KIF17: variants seen among roughly 807,000 people sequenced by gnomAD.
KIF17 encodes kinesin family member 17, also known as kinesin-like protein KIF17.
Under a neutral mutation model 96.8 loss-of-function variants are expected in KIF17, and 80 were observed. That is an observed-to-expected ratio of 0.83 (90% CI 0.69 to 1.00). The LOEUF (loss-of-function observed/expected upper bound fraction) is 1.00, where lower values mean the gene tolerates loss of function less well. Among genes scored for constraint, KIF17 ranks in the 50% least tolerant of loss-of-function variants. The pLI is 0.00. For missense variants in KIF17, 1,280 were observed against 1,372.9 expected, an observed-to-expected ratio of 0.93 and a Z score of 1.07; for synonymous variants, 567 against 587.5, an observed-to-expected ratio of 0.97 and a Z score of 0.51.
intron 12 of KIF17, among the ~76,000 whole-genome samples, 197 bp from the exon 13 acceptor site, chr1:20,670,685 G>C (rs1357360749): frequency 6.6e-6 from 1 of 152,174 alleles, no homozygotes; most frequent in Non-Finnish European, 1.5e-5. Context: ...TCTGCTTGCA[G>C]GCAAGACAGC....
intron 3 of KIF17, 61 bp downstream of exon 3, chr1:20,713,393 C>A: frequency 8.4e-7 from 1 of 1,190,502 alleles, no homozygotes; most frequent in Non-Finnish European, 1.2e-6. Flanking sequence ...TCTGAGGGAG[C>A]AGCACCAATG....
intron 14 of KIF17, among the ~76,000 whole-genome samples, chr1:20,665,392 T>A (rs1374698166): frequency 1.7e-5 from 2 of 117,884 alleles, no homozygotes; most frequent in Non-Finnish European, 3.6e-5. Flanking sequence ...CATACCCAGC[T>A]AATTTTTTTT....
At chr1:20,689,451 G>C (rs1455313806) in intron 7 of KIF17, among the ~76,000 whole-genome samples, 1 of 152,182 alleles carries the variant, frequency 6.6e-6, no homozygotes, top group Non-Finnish European at 1.5e-5. Flanking sequence ...AGGAGTTCGA[G>C]ACCAGCCTGG....
chr1:20,684,175 G>T (rs2053887309), intron 10 of KIF17, among the ~76,000 whole-genome samples: 1 of 152,236 alleles, frequency 6.6e-6, no homozygotes, highest in African/African-American at 2.4e-5. Flanking sequence ...GGACCCTCTT[G>T]GCCCTGCCTG....
intron 7 of KIF17, among the ~76,000 whole-genome samples, chr1:20,688,931 C>T (rs2053987818): frequency 6.6e-6 from 1 of 152,218 alleles, no homozygotes; most frequent in South Asian, 2.1e-4. Context: ...CCCCTTAGTG[C>T]TCCAGTTCAG....
At chr1:20,661,946 C>T (rs1403472553), downstream of KIF17, among the ~76,000 whole-genome samples, 2 of 152,248 alleles carry the variant, frequency 1.3e-5, no homozygotes, top group Admixed American at 1.3e-4. Flanking sequence ...GCCTGTGCTG[C>T]CCAGCTCGGT....
intron 5 of KIF17, among the ~76,000 whole-genome samples, chr1:20,701,587 C>T (rs923442630): frequency 3.3e-5 from 5 of 152,132 alleles, no homozygotes; most frequent in Non-Finnish European, 7.3e-5. Flanking sequence ...TGGGACAGCC[C>T]AGGGTTAAGA....
intron 11 of KIF17, among the ~76,000 whole-genome samples, chr1:20,676,082 T>C (rs1216476016): frequency 6.6e-6 from 1 of 152,144 alleles, no homozygotes. Context: ...TCCTCACACA[T>C]GTACCAAGAT....
rs1218004309 is a variant in KIF17, at chr1:20,686,133, G to A, written c.1939-7C>T. 1 of 1,562,776 alleles carries A rather than the reference G, an allele frequency of 6.4e-7. No individual in the cohort carries two copies. Among genetic ancestry groups the A allele is most frequent in the African/African-American group, 1.4e-5 (1 of 73,764 alleles). Reference sequence around the variant, plus strand: ...GGTCTGTCGGCGCAGGGACCTGGGAGGAAAGAGGGGATGGAGGAGAAAGAA... The same window carrying A: ...GGTCTGTCGGCGCAGGGACCTGGGAAGAAAGAGGGGATGGAGGAGAAAGAA... On this transcript the variant is annotated splice_polypyrimidine_tract_variant and splice_region_variant and intron_variant, in intron 8 of 14. Transcript: ENST00000400463.
intron 11 of KIF17, among the ~76,000 whole-genome samples, chr1:20,680,269 A>G (rs1046536391): frequency 2.0e-5 from 3 of 152,236 alleles, no homozygotes; most frequent in Non-Finnish European, 4.4e-5. Context: ...GATAGTCCAG[A>G]AAAACATGAC....
intron 6 of KIF17, among the ~76,000 whole-genome samples, chr1:20,690,672 C>T (rs2054022986): frequency 6.6e-6 from 1 of 150,644 alleles, no homozygotes; most frequent in Non-Finnish European, 1.5e-5. Flanking sequence ...ATGGGCATGC[C>T]ACCATCAGCA....
At chr1:20,663,080 C>G (rs1159278606), downstream of KIF17, among the ~76,000 whole-genome samples, 1 of 152,014 alleles carries the variant, frequency 6.6e-6, no homozygotes, top group Non-Finnish European at 1.5e-5. Context: ...AAAATTTAGC[C>G]GGGCGTGGTG....
chr1:20,706,697 A>G lies in KIF17; in HGVS notation c.671-1798T>C, dbSNP rs1031704202. ...CCCCAGGAGTTCGAGACCAGCCTGG[A>G]AAACATGGCAAAACCCCGTCTCTAC... is the stretch of plus-strand genomic sequence containing the variant. On this transcript the variant is annotated intron_variant, in intron 4 of 14. Transcript: ENST00000400463. 3.3e-4 allele frequency among the ~76,000 whole-genome samples: 49 copies of G among 150,756 alleles called. 1 individual carries two copies. The highest frequency in any genetic ancestry group is 1.2e-3 in the African/African-American group (48 of 40,782).
intron 4 of KIF17, among the ~76,000 whole-genome samples, chr1:20,705,709 G>A (rs1306872352): frequency 2.6e-5 from 4 of 151,968 alleles, no homozygotes; most frequent in Admixed American, 1.3e-4. Flanking sequence ...GGGTTCGTGC[G>A]GAAGCCTCTG....
chr1:20,681,569 C>G (rs1304018090), intron 11 of KIF17, among the ~76,000 whole-genome samples: 1 of 152,030 alleles, frequency 6.6e-6, no homozygotes, highest in East Asian at 1.9e-4. Flanking sequence ...TGGGGAGGAC[C>G]CTGCAGATGG....
intron 13 of KIF17, among the ~76,000 whole-genome samples, chr1:20,669,909 C>CAAAAA (rs2053609847): frequency 9.1e-6 from 1 of 109,994 alleles, no homozygotes; most frequent in African/African-American, 3.3e-5. Flanking sequence ...AAAAAACAAC[C>CAAAAA]ACCACCACCC....
rs749572531 is a variant in KIF17 at position 20,690,193 on chromosome 1, T to C, written c.1376A>G (p.Glu459Gly). Reference protein sequence around the residue: ...LSTLEENLRKETEAVLQVGVL... With the variant: ...LSTLEENLRKGTEAVLQVGVL... ...GGGGGGCAAGGGGTGCCCACCTGTC[T>C]CCTTCCGCAGGTTCTCCTCCAGCGT... The change falls in exon 7 of 15, where the codon GAG (glutamate) becomes GGG (glycine). Residue 459 changes from glutamate (E) to glycine (G), a missense_variant. Transcript: ENST00000400463. The C allele has an allele frequency of 6.2e-7, 1 of 1,614,162 alleles. No individual in the cohort carries two copies. Among genetic ancestry groups the C allele is most frequent in the Admixed American group, 1.7e-5 (1 of 60,022 alleles).
chr1:20,674,308 T>A (rs1230157184), intron 11 of KIF17, among the ~76,000 whole-genome samples: 1 of 152,218 alleles, frequency 6.6e-6, no homozygotes, highest in Middle Eastern at 3.2e-3. Flanking sequence ...GTCACCAAGC[T>A]GGAGTGCAGT....
intron 13 of KIF17, among the ~76,000 whole-genome samples, chr1:20,666,542 G>A (rs2053533047): frequency 1.3e-5 from 2 of 152,200 alleles, no homozygotes; most frequent in South Asian, 2.1e-4. Context: ...GGGCCAGGAA[G>A]TCAGTCTCCA....
Sources: allele counts gnomAD v4.1 joint callset (sites outside exome capture counted in the v4.1 genomes callset), GRCh38; gene constraint gnomAD v4.1.1; transcripts MANE v1.5; gene names NCBI Gene and HGNC (gene_info 2026-07-23, HGNC 2026-07-21).